Variants in SLC10A2 observed in about 807,000 individuals in gnomAD.
The protein encoded by SLC10A2 is solute carrier family 10 member 2, also known as ileal sodium/bile acid cotransporter.
A neutral mutation model predicts 27.1 loss-of-function variants in SLC10A2; 34 were observed. The observed-to-expected ratio is 1.26, with a 90% confidence interval of 0.96 to 1.67. SLC10A2 has a LOEUF of 1.67. SLC10A2 is among the 40% of genes most tolerant of loss of function. The pLI, the probability that SLC10A2 is intolerant of heterozygous loss-of-function variation, is 0.00. For missense variants in SLC10A2, 530 were observed against 444.4 expected (o/e 1.19, Z -1.73); for synonymous variants, 205 against 174.0 (o/e 1.18, Z -1.40).
chr13:103,060,949 G>A (rs1445413216), intron 1 of SLC10A2, among the ~76,000 whole-genome samples: 3 of 152,088 alleles, frequency 2.0e-5, no homozygotes, highest in African/African-American at 2.4e-5. Context: ...TTGTTTCAAG[G>A]CACAGTTAAA....
chr13:103,065,868 C>T lies in SLC10A2; in HGVS notation c.377+5G>A. 3 of 1,613,934 alleles carry T rather than the reference C, an allele frequency of 1.9e-6. No homozygotes were observed. The highest frequency in any genetic ancestry group is 2.5e-6 in the Non-Finnish European group (3 of 1,179,940). On this transcript the variant is annotated splice_donor_5th_base_variant and intron_variant, in intron 1 of 5. Transcript: ENST00000245312. ...TGCAGTAGTTAGAGGTATAGATAAT[C>T]TTACCTCAGGTCCATGTCGCCATCG...
At chr13:103,059,481 G>C (rs181471662) in intron 1 of SLC10A2, among the ~76,000 whole-genome samples, 153 of 152,330 alleles carry the variant, frequency 1.0e-3, no homozygotes, top group Middle Eastern at 3.4e-3. Flanking sequence ...GTGATGAACA[G>C]TAATATACAT....
At chr13:103,063,208 A>G (rs1876176393) in intron 1 of SLC10A2, among the ~76,000 whole-genome samples, 1 of 149,930 alleles carries the variant, frequency 6.7e-6, no homozygotes, top group Non-Finnish European at 1.5e-5. Context: ...ACTATTGTCT[A>G]TTTTTTTTTT....
At chr13:103,060,694 T>G (rs913376181) in intron 1 of SLC10A2, among the ~76,000 whole-genome samples, 13 of 152,140 alleles carry the variant, frequency 8.5e-5, no homozygotes, top group Non-Finnish European at 1.8e-4. Flanking sequence ...CTGTGATCAT[T>G]TATGTTACCA....
At chr13:103,062,188 T>A (rs532207806) in intron 1 of SLC10A2, among the ~76,000 whole-genome samples, 1 of 152,318 alleles carries the variant, frequency 6.6e-6, no homozygotes, top group African/African-American at 2.4e-5. Context: ...ATACCAAGTT[T>A]GAAGGCTCTA....
At position 103,054,924 on chromosome 13, in the gene SLC10A2, T is replaced by C. The variant is rs1875898086; in HGVS notation, c.497-2216A>G. Among the ~76,000 whole-genome samples, 4 of 152,114 alleles carry C rather than the reference T, an allele frequency of 2.6e-5. No individual in the cohort carries two copies. In the South Asian group the frequency reaches 6.2e-4, roughly 24 times the overall value. On this transcript the variant is annotated intron_variant, in intron 2 of 5. Coordinates refer to ENST00000245312, the MANE Select transcript of SLC10A2 (RefSeq NM_000452.3). Reference sequence around the variant, plus strand: ...TCTGTAAAGTGCCTGTCTATGTAGATGAAAAAGCATCCACTCATGGTTACA... The same window carrying C: ...TCTGTAAAGTGCCTGTCTATGTAGACGAAAAAGCATCCACTCATGGTTACA...
chr13:103,063,990 G>A (rs1467871317), intron 1 of SLC10A2, among the ~76,000 whole-genome samples: 29 of 152,064 alleles, frequency 1.9e-4, no homozygotes, highest in Non-Finnish European at 1.5e-5. Context: ...TTCCTTCCCC[G>A]CTTCTTATTT....
At chr13:103,049,237 C>T (rs1875697136) in intron 5 of SLC10A2, 52 bp downstream of exon 5, 1 of 1,603,140 alleles carries the variant, frequency 6.2e-7, no homozygotes, top group Non-Finnish European at 8.5e-7. Context: ...GTTTTAGCAA[C>T]TCCAGGATTT....
In SLC10A2 at chr13:103,045,444, A is replaced by G. The variant is rs201107862; in HGVS notation, c.*689T>C. The G allele has an allele frequency of 2.0e-5, 3 of 152,294 alleles. No homozygotes were observed. The highest frequency in any genetic ancestry group is 7.2e-5 in the African/African-American group (3 of 41,462). 9.4% of individuals were successfully genotyped at this position (152,294 alleles called of 1,614,324 possible). On this transcript the variant is annotated 3_prime_UTR_variant, in exon 6 of 6. Transcript: ENST00000245312. Reference sequence around the variant, plus strand: ...ATCACTGGACCCCTGAGGTAGAGCAATAGATGTACGATATCCCTGCTGAGT... The same window carrying G: ...ATCACTGGACCCCTGAGGTAGAGCAGTAGATGTACGATATCCCTGCTGAGT...
intron 2 of SLC10A2, among the ~76,000 whole-genome samples, chr13:103,057,054 A>G (rs549809432): frequency 5.9e-5 from 9 of 152,236 alleles, no homozygotes; most frequent in Non-Finnish European, 8.8e-5. Flanking sequence ...TCCCTTTTAC[A>G]AGCATCCAGG....
rs148033508 is a variant in SLC10A2, at chr13:103,055,876, C to T, written c.496+2388G>A. Reference sequence around the variant, plus strand: ...TTTATGCTGAACATGCTCACAGGTACATTCCAGCTTGCAGCCTATGCCCCT... The same window carrying T: ...TTTATGCTGAACATGCTCACAGGTATATTCCAGCTTGCAGCCTATGCCCCT... On this transcript the variant is annotated intron_variant, in intron 2 of 5. Coordinates refer to ENST00000245312, the MANE Select transcript of SLC10A2 (RefSeq NM_000452.3). Among the ~76,000 whole-genome samples, 87 of 152,352 alleles carry T rather than the reference C, an allele frequency of 5.7e-4. 1 individual carries two copies. The East Asian group carries it at 7.3e-3, about 13-fold the overall frequency.
chr13:103,054,194 C>A (rs1875873407), intron 2 of SLC10A2, among the ~76,000 whole-genome samples: 1 of 151,692 alleles, frequency 6.6e-6, no homozygotes, highest in Non-Finnish European at 1.5e-5. Flanking sequence ...GTGTGCACAC[C>A]TCCTTCTTTG....
chr13:103,048,726 G>A (rs1204622003), intron 5 of SLC10A2, among the ~76,000 whole-genome samples: 3 of 152,188 alleles, frequency 2.0e-5, no homozygotes, highest in African/African-American at 2.4e-5. Context: ...CAGGACAGGA[G>A]AAGTAAGAAT....
At chr13:103,060,264 G>T (rs1876072492) in intron 1 of SLC10A2, among the ~76,000 whole-genome samples, 1 of 152,066 alleles carries the variant, frequency 6.6e-6, no homozygotes, top group East Asian at 1.9e-4. Flanking sequence ...GAGTAATTTA[G>T]TTGACTTCTC....
intron 1 of SLC10A2, among the ~76,000 whole-genome samples, chr13:103,061,101 A>G (rs2138923934): frequency 6.6e-6 from 1 of 152,364 alleles, no homozygotes; most frequent in African/African-American, 2.4e-5. Flanking sequence ...GTTTTAGTAG[A>G]GCTAAAATAT....
intron 2 of SLC10A2, among the ~76,000 whole-genome samples, chr13:103,056,492 C>A (rs1416071388): frequency 6.6e-6 from 1 of 152,066 alleles, no homozygotes; most frequent in Non-Finnish European, 1.5e-5. Context: ...TTCCATGAGT[C>A]ATTTCTCAGA....
intron 3 of SLC10A2, 149 bp downstream of exon 3, chr13:103,052,471 T>C (rs1875813065): frequency 1.4e-6 from 1 of 694,702 alleles, no homozygotes; most frequent in South Asian, 1.5e-5. Flanking sequence ...AAGAAGGACA[T>C]TCTAAAGGAG....
chr13:103,055,757 T>C (rs1340010316), intron 2 of SLC10A2, among the ~76,000 whole-genome samples: 4 of 152,226 alleles, frequency 2.6e-5, no homozygotes, highest in African/African-American at 9.6e-5. Context: ...CCCCCTTACT[T>C]TGTGCTAGTA....
At chr13:103,062,609 C>T (rs757030391) in intron 1 of SLC10A2, among the ~76,000 whole-genome samples, 45 of 152,096 alleles carry the variant, frequency 3.0e-4, no homozygotes, top group Admixed American at 1.3e-4. Flanking sequence ...AAGAGAAGGA[C>T]ATTTATGGGG....
Sources: gnomAD v4.1 joint callset for allele counts (sites outside exome capture counted in the v4.1 genomes callset) on GRCh38, gnomAD v4.1.1 for gene constraint, MANE v1.5 for transcripts, NCBI Gene and HGNC (gene_info 2026-07-23, HGNC 2026-07-21) for gene names.